Variants in TMEM38B observed in about 807,000 individuals in gnomAD.
TMEM38B encodes transmembrane protein 38B.
Under a neutral mutation model 28.7 loss-of-function variants are expected in TMEM38B, and 24 were observed. The ratio of observed to expected loss-of-function variants is 0.84; its 90% CI spans 0.61 to 1.18. TMEM38B has a LOEUF of 1.18. Ranked by LOEUF, TMEM38B falls within the 50% of genes most tolerant of loss-of-function variation. The probability of loss-of-function intolerance (pLI) is 0.00; values close to 1 mark genes in which losing one functional copy is unlikely to be tolerated. For missense variants in TMEM38B, 380 were observed against 350.9 expected (o/e 1.08, Z -0.66); for synonymous variants, 131 against 127.7 (o/e 1.03, Z -0.17).
chr9:105,715,459 T>A (rs943946461), intron 2 of TMEM38B, among the ~76,000 whole-genome samples: 4 of 152,154 alleles, frequency 2.6e-5, no homozygotes, highest in African/African-American at 7.2e-5. Flanking sequence ...CACTTTTTTT[T>A]AATTGAGAAA....
At chr9:105,769,821 T>C (rs567710049) in intron 5 of TMEM38B, among the ~76,000 whole-genome samples, 222 of 152,260 alleles carry the variant, frequency 1.5e-3, no homozygotes, top group African/African-American at 4.8e-3. Context: ...GAGGCAGTTA[T>C]AGGAAGAAAA....
intron 4 of TMEM38B, among the ~76,000 whole-genome samples, chr9:105,726,584 T>C (rs1332752840): frequency 3.3e-5 from 5 of 152,058 alleles, no homozygotes; most frequent in Non-Finnish European, 7.4e-5. Flanking sequence ...TTCTGGAATA[T>C]TTCCTGAAGG....
chr9:105,718,143 A>G (rs1282699980), intron 2 of TMEM38B, among the ~76,000 whole-genome samples: 1 of 152,156 alleles, frequency 6.6e-6, no homozygotes, highest in Non-Finnish European at 1.5e-5. Flanking sequence ...ATCCTTAAAT[A>G]TAAAAAAATT....
rs1408245968 is a variant in TMEM38B, at chr9:105,711,888, T to C, written c.269+6135T>C. On this transcript the variant is annotated intron_variant, in intron 2 of 5. Coordinates refer to ENST00000374692, the MANE Select transcript of TMEM38B (RefSeq NM_018112.3). ...ACTTACCTCCTTACCTTAGAAGTCC[T>C]TTTTGTGTGTCCCATTCCAATCCTA... 4.6e-5 allele frequency among the ~76,000 whole-genome samples: 7 copies of C among 152,116 alleles called. No homozygotes were observed. In the South Asian group the frequency reaches 8.3e-4, roughly 18 times the overall value.
intron 4 of TMEM38B, among the ~76,000 whole-genome samples, chr9:105,724,999 T>G (rs1836455378): frequency 6.6e-6 from 1 of 152,118 alleles, no homozygotes; most frequent in Non-Finnish European, 1.5e-5. Context: ...TTTCATCTCT[T>G]GTTATTATTT....
rs572521300 is a variant in TMEM38B at position 105,718,281 on chromosome 9, T to C, written c.270-3256T>C. 9.9e-5 allele frequency among the ~76,000 whole-genome samples: 15 copies of C among 151,958 alleles called. No homozygotes were observed. In the East Asian group the frequency reaches 2.9e-3, roughly 29 times the overall value. ...TAGATGGGGTCTTGCTCTTGTTGCC[T>C]AGGCTGGAGTGCAATGGCACGATCT... On this transcript the variant is annotated intron_variant, in intron 2 of 5. Transcript: ENST00000374692.
rs1019825816 is a variant in TMEM38B at position 105,775,105 on chromosome 9, A to G, written c.*1025A>G. ...TGACAAGCTTTCGTATGGTTTTGTTATATTTTCATCTACATGTAATGTGTT... is the reference window on the plus strand; with the variant it reads ...TGACAAGCTTTCGTATGGTTTTGTTGTATTTTCATCTACATGTAATGTGTT... On this transcript the variant is annotated 3_prime_UTR_variant, in exon 6 of 6. Transcript: ENST00000374692. 2 of 152,064 alleles carry G rather than the reference A, an allele frequency of 1.3e-5. No individual in the cohort carries two copies. Among genetic ancestry groups the G allele is most frequent in the South Asian group, 2.1e-4 (1 of 4,836 alleles). The allele number at this position is 152,064 out of a possible 1,614,324, so 9.4% of individuals were successfully genotyped here.
intron 4 of TMEM38B, among the ~76,000 whole-genome samples, chr9:105,727,029 TTCA>T (rs1055257477): frequency 6.6e-6 from 1 of 152,178 alleles, no homozygotes; most frequent in Non-Finnish European, 1.5e-5. Flanking sequence ...CTGCTTCATA[TTCA>T]TCATCTCACA....
At chr9:105,713,284 C>G (rs1835975020) in intron 2 of TMEM38B, among the ~76,000 whole-genome samples, 1 of 152,154 alleles carries the variant, frequency 6.6e-6, no homozygotes, top group South Asian at 2.1e-4. Context: ...ACAGCTGCAG[C>G]CCCCCAAACC....
At chr9:105,717,258 A>G (rs1279042536) in intron 2 of TMEM38B, among the ~76,000 whole-genome samples, 3 of 152,220 alleles carry the variant, frequency 2.0e-5, no homozygotes, top group Admixed American at 6.5e-5. Flanking sequence ...GCCCAGAGAA[A>G]TAACTAGAAG....
chr9:105,741,720 T>C (rs1588442794), intron 4 of TMEM38B, among the ~76,000 whole-genome samples: 1 of 152,202 alleles, frequency 6.6e-6, no homozygotes, highest in East Asian at 1.9e-4. Flanking sequence ...CTGATGCTTA[T>C]AATAAAGTGC....
At position 105,775,851 on chromosome 9, in the gene TMEM38B, T is replaced by C. The variant is rs73667014; in HGVS notation, c.*1771T>C. ...ACATTATTTTTATGTTTTATATTTT[T>C]CTTGAGGTAGAGTTTCAGAACTCAT... On this transcript the variant is annotated 3_prime_UTR_variant, in exon 6 of 6. Transcript: ENST00000374692. 96 of 152,308 alleles carry C rather than the reference T, an allele frequency of 6.3e-4. 1 individual carries two copies. Among genetic ancestry groups the C allele is most frequent in the African/African-American group, 2.2e-3 (90 of 41,584 alleles). The allele number at this position is 152,308 out of a possible 1,614,324, so 9.4% of individuals were successfully genotyped here.
chr9:105,700,825 C>T (rs1835439441), intron 1 of TMEM38B, among the ~76,000 whole-genome samples: 1 of 152,094 alleles, frequency 6.6e-6, no homozygotes, highest in African/African-American at 2.4e-5. Flanking sequence ...GGGAAAAGTG[C>T]AAAAGTCATA....
intron 5 of TMEM38B, among the ~76,000 whole-genome samples, chr9:105,760,968 T>G (rs980758325): frequency 6.6e-6 from 1 of 152,354 alleles, no homozygotes; most frequent in Non-Finnish European, 1.5e-5. Flanking sequence ...TGATACCAAA[T>G]ACTTTTTGTT....
intron 2 of TMEM38B, among the ~76,000 whole-genome samples, chr9:105,719,988 CAA>C (rs1165438119): frequency 1.3e-5 from 2 of 151,884 alleles, no homozygotes; most frequent in Non-Finnish European, 2.9e-5. Flanking sequence ...GTTCTATATT[CAA>C]AGAGAGAACT....
At chr9:105,709,635 A>G (rs1203434636) in intron 2 of TMEM38B, among the ~76,000 whole-genome samples, 1 of 152,236 alleles carries the variant, frequency 6.6e-6, no homozygotes, top group African/African-American at 2.4e-5. Context: ...CATACTGACT[A>G]GGATAGAGGT....
intron 1 of TMEM38B, among the ~76,000 whole-genome samples, 195 bp from the exon 2 acceptor site, chr9:105,705,402 T>C (rs779243481): frequency 6.6e-6 from 1 of 152,212 alleles, no homozygotes; most frequent in African/African-American, 2.4e-5. Context: ...AAATCACCCA[T>C]TAACAAAATG....
At chr9:105,742,982 G>C (rs866025831) in intron 4 of TMEM38B, among the ~76,000 whole-genome samples, 1 of 151,918 alleles carries the variant, frequency 6.6e-6, no homozygotes, top group Non-Finnish European at 1.5e-5. Flanking sequence ...AGAGACCACC[G>C]TTCTAAAACA....
Position 105,700,689 on chromosome 9 carries a change from C to A in TMEM38B, c.113-4908C>A, listed in dbSNP as rs534616126. 4.1e-4 allele frequency among the ~76,000 whole-genome samples: 63 copies of A among 152,234 alleles called. No individual in the cohort carries two copies. The South Asian group carries it at 0.012, about 30-fold the overall frequency. On this transcript the variant is annotated intron_variant, in intron 1 of 5. Transcript: ENST00000374692. ...GAATAAAGTTTGTCATTGTTCCTTT[C>A]CTGTAATTTGTGGGAGATGAAAGTT...
Sources: allele counts gnomAD v4.1 joint callset (sites outside exome capture counted in the v4.1 genomes callset), GRCh38; gene constraint gnomAD v4.1.1; transcripts MANE v1.5; gene names NCBI Gene and HGNC (gene_info 2026-07-23, HGNC 2026-07-21).